Variants in PCDH15 observed in about 807,000 individuals in gnomAD.
The protein encoded by PCDH15 is protocadherin-15.
A neutral mutation model predicts 178.5 loss-of-function variants in PCDH15; 129 were observed. The ratio of observed to expected loss-of-function variants is 0.72; its 90% CI spans 0.63 to 0.84. The LOEUF is 0.84. PCDH15 is among the 40% of genes least tolerant of loss of function. The pLI is 0.00. For missense variants in PCDH15, 2,230 were observed against 2,099.9 expected (o/e 1.06, Z -1.21); for synonymous variants, 800 against 732.0 (o/e 1.09, Z -1.50).
At chr10:55,352,832 CA>C (rs1017942325) in intron 2 of PCDH15, among the ~76,000 whole-genome samples, 10 of 151,894 alleles carry the variant, frequency 6.6e-5, no homozygotes, top group East Asian at 1.9e-4. Flanking sequence ...AAACTTGCAC[CA>C]AAAAAAGGTC....
At chr10:54,301,811 C>T (rs887332658) in intron 8 of PCDH15, among the ~76,000 whole-genome samples, 1 of 152,170 alleles carries the variant, frequency 6.6e-6, no homozygotes, top group Non-Finnish European at 1.5e-5. Context: ...AATTCATTGC[C>T]TCAATGGTTA....
At chr10:55,511,070 C>T (rs1290531899) in intron 2 of PCDH15, among the ~76,000 whole-genome samples, 5 of 150,434 alleles carry the variant, frequency 3.3e-5, no homozygotes, top group African/African-American at 1.2e-4. Flanking sequence ...TTTAGAGATA[C>T]AGGTCTTTCC....
chr10:54,289,081 G>A (rs957363619), intron 8 of PCDH15, among the ~76,000 whole-genome samples: 21 of 152,312 alleles, frequency 1.4e-4, no homozygotes, highest in Admixed American at 1.1e-3. Context: ...CCTGACCCCC[G>A]TTTAGCCTAA....
At chr10:55,173,426 C>T (rs534065332) in intron 1 of PCDH15, among the ~76,000 whole-genome samples, 61 of 150,928 alleles carry the variant, frequency 4.0e-4, no homozygotes, top group Admixed American at 1.1e-3. Flanking sequence ...TTTATATGCC[C>T]ATTCATTGTT....
Position 54,225,952 on chromosome 10 carries a change from G to A in PCDH15, c.985+10871C>T, listed in dbSNP as rs2053394966. Among the ~76,000 whole-genome samples, 6 of 152,204 alleles carry A rather than the reference G, an allele frequency of 3.9e-5. No homozygotes were observed. In the South Asian group the frequency reaches 1.2e-3, roughly 31 times the overall value. ...GTACAGTGTGAAGGGATAAGCAGCAGTGTATTATTCAGAGTTCTTTAGAGA... is the reference window on the plus strand; with the variant it reads ...GTACAGTGTGAAGGGATAAGCAGCAATGTATTATTCAGAGTTCTTTAGAGA... On this transcript the variant is annotated intron_variant, in intron 9 of 37. Transcript: ENST00000644397.
chr10:54,600,140 C>T lies in PCDH15; in HGVS notation c.91+64032G>A, dbSNP rs2092457626. The T allele has an allele frequency of 1.4e-5, 11 of 766,484 alleles. No individual in the cohort carries two copies. In the South Asian group the frequency reaches 1.5e-4, roughly 10 times the overall value. The allele number at this position is 766,484 out of a possible 1,614,324, so 47.5% of individuals were successfully genotyped here. ...ATGGATGTGCCAGAGAAGAAGAAAG[C>T]TGAGTCCCTGGTAAAGGAGGAAGCC... On this transcript the variant is annotated intron_variant, in intron 2 of 37. Transcript: ENST00000644397.
intron 3 of PCDH15, among the ~76,000 whole-genome samples, chr10:54,815,968 G>T (rs977269846): frequency 1.3e-5 from 2 of 151,958 alleles, no homozygotes; most frequent in African/African-American, 4.8e-5. Context: ...TATTTTATCA[G>T]TATGTCTTCT....
At chr10:54,648,419 A>T (rs910742876) in intron 2 of PCDH15, among the ~76,000 whole-genome samples, 4 of 152,120 alleles carry the variant, frequency 2.6e-5, no homozygotes, top group African/African-American at 7.2e-5. Flanking sequence ...TCTCTATCCA[A>T]CATAAAACAA....
intron 2 of PCDH15, among the ~76,000 whole-genome samples, chr10:54,590,711 G>A (rs940204791): frequency 6.6e-6 from 1 of 152,150 alleles, no homozygotes; most frequent in Non-Finnish European, 1.5e-5. Flanking sequence ...GAGAAGAGCA[G>A]AGTAAAAGTG....
At position 54,037,838 on chromosome 10, in the gene PCDH15, TG is replaced by T. The variant is rs145775861; in HGVS notation, c.2221-14642del. Among the ~76,000 whole-genome samples, 129 of 152,164 alleles carry T rather than the reference TG, an allele frequency of 8.5e-4. 1 individual carries two copies. Among genetic ancestry groups the T allele is most frequent in the African/African-American group, 3.1e-3 (127 of 41,554 alleles). ...AAACTTAAAGTCTGAGGAGTCTAAATGGAGACTGAAGTTACGTCTAACATGA... is the reference window on the plus strand; with the variant it reads ...AAACTTAAAGTCTGAGGAGTCTAAATGAGACTGAAGTTACGTCTAACATGA... On this transcript the variant is annotated intron_variant, in intron 18 of 37. Coordinates refer to ENST00000644397, the MANE Select transcript of PCDH15 (RefSeq NM_001384140.1).
intron 3 of PCDH15, among the ~76,000 whole-genome samples, chr10:54,512,241 A>G (rs2081750424): frequency 6.6e-6 from 1 of 152,120 alleles, no homozygotes; most frequent in East Asian, 1.9e-4. Flanking sequence ...TAAATTTAAA[A>G]GTACAGAGTA....
intron 2 of PCDH15, among the ~76,000 whole-genome samples, chr10:54,927,454 T>G (rs1029349490): frequency 6.6e-6 from 1 of 152,136 alleles, no homozygotes; most frequent in Non-Finnish European, 1.5e-5. Context: ...TCAGATTCAT[T>G]TGATCTAATG....
intron 2 of PCDH15, among the ~76,000 whole-genome samples, chr10:54,652,185 CA>C (rs1431614194): frequency 6.6e-6 from 1 of 152,142 alleles, no homozygotes; most frequent in African/African-American, 2.4e-5. Context: ...ATCTTCTATT[CA>C]CATCTGCTAC....
chr10:54,596,799 C>A (rs1032062173), intron 2 of PCDH15, among the ~76,000 whole-genome samples: 2 of 151,970 alleles, frequency 1.3e-5, no homozygotes, highest in African/African-American at 4.8e-5. Flanking sequence ...TTATTGCAAT[C>A]CTAATTTCAG....
At chr10:53,975,419 T>C (rs180697584) in intron 21 of PCDH15, among the ~76,000 whole-genome samples, 6 of 152,286 alleles carry the variant, frequency 3.9e-5, no homozygotes, top group Non-Finnish European at 7.4e-5. Flanking sequence ...AAGTGTTTTT[T>C]TTCCCCCCAT....
chr10:55,395,418 A>C (rs1354428349), intron 2 of PCDH15, among the ~76,000 whole-genome samples: 1 of 152,142 alleles, frequency 6.6e-6, no homozygotes, highest in Non-Finnish European at 1.5e-5. Flanking sequence ...AGATCATTAC[A>C]TGTGAAACAG....
intron 2 of PCDH15, among the ~76,000 whole-genome samples, chr10:55,626,159 G>GAATAAATA (rs751870281): frequency 0.015 from 2,267 of 151,120 alleles, 65 homozygotes; most frequent in African/African-American, 0.053. Flanking sequence ...GAGAGAGAGA[G>GAATAAATA]AATAAATAAA....
intron 15 of PCDH15, among the ~76,000 whole-genome samples, chr10:54,108,949 C>T (rs987023099): frequency 1.4e-4 from 22 of 152,144 alleles, no homozygotes; most frequent in South Asian, 8.3e-4. Flanking sequence ...CATCAACTGA[C>T]GCAACAAACA....
At chr10:54,702,690 A>G (rs2095322549) in intron 1 of PCDH15, among the ~76,000 whole-genome samples, 1 of 152,058 alleles carries the variant, frequency 6.6e-6, no homozygotes, top group Non-Finnish European at 1.5e-5. Context: ...AGAAATAATG[A>G]GTTCCAAAAT....
Sources: allele counts gnomAD v4.1 joint callset (sites outside exome capture counted in the v4.1 genomes callset), GRCh38; gene constraint gnomAD v4.1.1; transcripts MANE v1.5; gene names NCBI Gene and HGNC (gene_info 2026-07-23, HGNC 2026-07-21).